The following SEC14L6 variants were observed in gnomAD, a reference collection of about 807,000 sequenced individuals.
The protein encoded by SEC14L6 is SEC14 like lipid binding 6, also known as SEC14-like protein 6.
A neutral mutation model predicts 54.1 loss-of-function variants in SEC14L6; 40 were observed. That is an observed-to-expected ratio of 0.74 (90% CI 0.57 to 0.96). The LOEUF is 0.96. Ranked by LOEUF, SEC14L6 falls within the 40% of genes least tolerant of loss-of-function variation. The pLI is 0.00. For synonymous variants in SEC14L6, 171 were observed against 198.4 expected (o/e 0.86, Z 1.16); for missense variants, 471 against 498.3 (o/e 0.95, Z 0.52).
chr22:30,539,038 C>A, intron 1 of SEC14L6, 136 bp from the exon 2 acceptor site: 1 of 612,054 alleles, frequency 1.6e-6, no homozygotes, highest in Non-Finnish European at 2.9e-6. Flanking sequence ...CCGGGTCAAG[C>A]CATAACAGTT....
chr22:30,534,119 A>G, intron 2 of SEC14L6, 80 bp from the exon 3 acceptor site: 1 of 1,377,212 alleles, frequency 7.3e-7, no homozygotes, highest in South Asian at 1.3e-5. Context: ...GCCCTGCCCC[A>G]CCCTCCAGGC....
chr22:30,543,850 A>G, intron 1 of SEC14L6: 1 of 1,513,730 alleles, frequency 6.6e-7, no homozygotes, highest in South Asian at 1.1e-5. Context: ...AAATGATATC[A>G]CATATGCGGA....
chr22:30,546,051 G>A (rs932056239), intron 1 of SEC14L6, among the ~76,000 whole-genome samples: 2 of 149,724 alleles, frequency 1.3e-5, no homozygotes, highest in African/African-American at 2.4e-5. Flanking sequence ...GAGCCACAGC[G>A]CCCAGCCTCT....
chr22:30,527,843 C>T (rs1936827915), intron 8 of SEC14L6, among the ~76,000 whole-genome samples: 2 of 150,902 alleles, frequency 1.3e-5, no homozygotes, highest in African/African-American at 2.4e-5. Context: ...CTATAAGGAT[C>T]GTCACTACTC....
intron 2 of SEC14L6, among the ~76,000 whole-genome samples, chr22:30,535,887 G>GTATTTTT (rs777717044): frequency 7.8e-6 from 1 of 128,522 alleles, no homozygotes. Flanking sequence ...AGTTTTTTGT[G>GTATTTTT]TTTTTTTTTT....
rs2085717268 is a variant in SEC14L6, at chr22:30,541,720, C to T, written c.55-2818G>A. 2.6e-5 allele frequency among the ~76,000 whole-genome samples: 4 copies of T among 151,974 alleles called. No homozygotes were observed. The South Asian group carries it at 6.2e-4, about 24-fold the overall frequency. On this transcript the variant is annotated intron_variant, in intron 1 of 11. Coordinates refer to ENST00000402034, the MANE Select transcript of SEC14L6 (RefSeq NM_001193336.4). ...GTGGTGTGCGTGCCTGTAGTCCCAG[C>T]TACTCAGGAGGCTGAGGTGGGAGGG... is the stretch of plus-strand genomic sequence containing the variant.
chr22:30,539,486 C>T (rs2085659677), intron 1 of SEC14L6, among the ~76,000 whole-genome samples: 1 of 152,172 alleles, frequency 6.6e-6, no homozygotes, highest in South Asian at 2.1e-4. Flanking sequence ...GAGGGGCCCT[C>T]TTTAGTGCCC....
At chr22:30,540,758 C>A (rs990164068) in intron 1 of SEC14L6, among the ~76,000 whole-genome samples, 5 of 148,754 alleles carry the variant, frequency 3.4e-5, no homozygotes, top group Non-Finnish European at 7.4e-5. Flanking sequence ...GTGGCTCATA[C>A]CTGTAATCCC....
chr22:30,538,048 G>A (rs372277101), intron 2 of SEC14L6, among the ~76,000 whole-genome samples: 4 of 152,158 alleles, frequency 2.6e-5, no homozygotes, highest in African/African-American at 9.7e-5. Flanking sequence ...CTGTAGAAAT[G>A]ATGGAATTTG....
intron 1 of SEC14L6, among the ~76,000 whole-genome samples, chr22:30,540,454 AC>A (rs1280047630): frequency 6.9e-6 from 1 of 144,020 alleles, no homozygotes; most frequent in Non-Finnish European, 1.5e-5. Flanking sequence ...GGTGGCTCAC[AC>A]CTGTAATCCC....
chr22:30,532,226 C>T (rs1937002013), intron 5 of SEC14L6: 1 of 985,470 alleles, frequency 1.0e-6, no homozygotes, highest in African/African-American at 1.7e-5. Context: ...GTTGCAGTTC[C>T]CTCTTCGGTC....
At chr22:30,543,391 G>A in intron 1 of SEC14L6, 2 of 1,594,136 alleles carry the variant, frequency 1.3e-6, no homozygotes, top group Admixed American at 1.7e-5. Flanking sequence ...CACCTGCCAG[G>A]TGACGAAATT....
intron 1 of SEC14L6, chr22:30,542,826 C>T: frequency 6.3e-7 from 1 of 1,595,876 alleles, no homozygotes; most frequent in Non-Finnish European, 8.6e-7. Context: ...AAAAAGAAGG[C>T]CACTTCCCCC....
intron 2 of SEC14L6, among the ~76,000 whole-genome samples, chr22:30,535,037 G>GA (rs10652799): frequency 0.036 from 5,329 of 148,390 alleles, 139 homozygotes; most frequent in African/African-American, 0.066. Flanking sequence ...CCTATAAAAA[G>GA]AAAAAAAAAA....
At chr22:30,530,073 T>C (rs2146256445) in intron 6 of SEC14L6, among the ~76,000 whole-genome samples, 1 of 152,268 alleles carries the variant, frequency 6.6e-6, no homozygotes, top group South Asian at 2.1e-4. Flanking sequence ...ATTACATTTG[T>C]TTATAAGAGA....
chr22:30,542,442 A>C, intron 1 of SEC14L6: 1 of 490,554 alleles, frequency 2.0e-6, no homozygotes, highest in Non-Finnish European at 3.5e-6. Flanking sequence ...TAAGAGGACG[A>C]TGTAGCCAGC....
chr22:30,534,679 G>A (rs1937089540), intron 2 of SEC14L6, among the ~76,000 whole-genome samples: 1 of 151,892 alleles, frequency 6.6e-6, no homozygotes, highest in Admixed American at 6.6e-5. Context: ...CAGAATGCTG[G>A]GATTAAAGGT....
intron 3 of SEC14L6, among the ~76,000 whole-genome samples, chr22:30,533,373 G>A (rs894627510): frequency 6.6e-6 from 1 of 152,130 alleles, no homozygotes; most frequent in African/African-American, 2.4e-5. Flanking sequence ...GGCCAAGGTG[G>A]GTGGATCACC....
chr22:30,526,479 G>A (rs1203941116), intron 8 of SEC14L6, among the ~76,000 whole-genome samples: 1 of 152,214 alleles, frequency 6.6e-6, no homozygotes, highest in Non-Finnish European at 1.5e-5. Context: ...CGAAAGCAGA[G>A]GTGGACACCC....
Sources: gnomAD v4.1 joint callset for allele counts (sites outside exome capture counted in the v4.1 genomes callset) on GRCh38, gnomAD v4.1.1 for gene constraint, MANE v1.5 for transcripts, NCBI Gene and HGNC (gene_info 2026-07-23, HGNC 2026-07-21) for gene names.